The following UBXN2A variants were observed in gnomAD, a reference collection of about 807,000 sequenced individuals.
UBXN2A encodes UBX domain-containing protein 2A.
UBXN2A carries 28 observed loss-of-function variants against 28.4 expected under a neutral mutation model. That is an observed-to-expected ratio of 0.99 (90% CI 0.73 to 1.35). The LOEUF (loss-of-function observed/expected upper bound fraction) is 1.35, where lower values mean the gene tolerates loss of function less well. Ranked by LOEUF, UBXN2A falls within the 40% of genes most tolerant of loss-of-function variation. UBXN2A has a pLI of 0.00. For missense variants in UBXN2A, 253 were observed against 297.9 expected (o/e 0.85, Z 1.11); for synonymous variants, 97 against 103.6 (o/e 0.94, Z 0.39).
intron 2 of UBXN2A, among the ~76,000 whole-genome samples, chr2:23,965,514 A>G (rs980813271): frequency 6.6e-6 from 1 of 152,218 alleles, no homozygotes; most frequent in Non-Finnish European, 1.5e-5. Flanking sequence ...GATAGATTAC[A>G]TGAATTAATT....
intron 2 of UBXN2A, among the ~76,000 whole-genome samples, chr2:23,958,655 A>G (rs567438829): frequency 1.3e-5 from 2 of 152,316 alleles, no homozygotes; most frequent in South Asian, 4.1e-4. Context: ...TAGATACACT[A>G]TTTTAGTGTC....
At chr2:23,973,735 CCATT>C (rs974265865) in intron 3 of UBXN2A, among the ~76,000 whole-genome samples, 1 of 151,700 alleles carries the variant, frequency 6.6e-6, no homozygotes, top group Admixed American at 6.6e-5. Context: ...TGGATTCAAG[CCATT>C]CTCCTGCCTC....
chr2:23,927,538 C>CTACAG (rs1434774557), exon 1 of UBXN2A: 2 of 150,832 alleles, frequency 1.3e-5, no homozygotes. Flanking sequence ...GAACTTGAGT[C>CTACAG]GCACTTTTCA....
intron 1 of UBXN2A, among the ~76,000 whole-genome samples, chr2:23,942,569 C>T (rs1040764454): frequency 3.3e-5 from 5 of 151,130 alleles, no homozygotes; most frequent in Admixed American, 6.6e-5. Flanking sequence ...ATAATGCGCG[C>T]CACCATGCCC....
chr2:23,954,352 C>G (rs768969706), intron 1 of UBXN2A, among the ~76,000 whole-genome samples: 1 of 152,196 alleles, frequency 6.6e-6, no homozygotes, highest in African/African-American at 2.4e-5. Context: ...ATCAGAATTT[C>G]ACTCCTTTTA....
intron 1 of UBXN2A, among the ~76,000 whole-genome samples, chr2:23,940,851 G>T (rs991754266): frequency 3.4e-5 from 5 of 146,250 alleles, no homozygotes; most frequent in Non-Finnish European, 7.5e-5. Flanking sequence ...GTCCCGCCCA[G>T]CCCAGGTGAG....
chr2:23,940,156 T>C (rs1705674537), upstream of UBXN2A, among the ~76,000 whole-genome samples: 1 of 151,080 alleles, frequency 6.6e-6, no homozygotes, highest in East Asian at 1.9e-4. Context: ...TTCAACTTCG[T>C]TGTCCACAGG....
Position 23,982,890 on chromosome 2 carries a change from T to C in UBXN2A, c.288-6T>C. 13 of 1,587,034 alleles carry C rather than the reference T, an allele frequency of 8.2e-6. No individual in the cohort carries two copies. The highest frequency in any genetic ancestry group is 9.4e-6 in the Non-Finnish European group (11 of 1,168,634). On this transcript the variant is annotated splice_region_variant and splice_polypyrimidine_tract_variant and intron_variant, in intron 4 of 6. Transcript: ENST00000309033. The stretch of plus-strand genomic sequence containing the variant: ...GCTTTATCATTTTCTTTCTTTGTTT[T>C]CCAAGGGAATTACCTTCAGAATTAC...
At chr2:23,976,389 T>C (rs1516427) in intron 3 of UBXN2A, among the ~76,000 whole-genome samples, 111,208 of 151,960 alleles carry the variant, frequency 0.73, 41,142 homozygotes, top group East Asian at 0.85. Context: ...CCAACATCGC[T>C]TCCCCCTTAT....
At chr2:23,998,193 A>T (rs904142565) in intron 6 of UBXN2A, among the ~76,000 whole-genome samples, 2 of 152,044 alleles carry the variant, frequency 1.3e-5, no homozygotes, top group Admixed American at 1.3e-4. Flanking sequence ...TCCACTTTCT[A>T]GTTTTTGGTT....
chr2:23,962,586 T>G lies in UBXN2A; in HGVS notation c.41+4231T>G, dbSNP rs546292915. 2.0e-5 allele frequency among the ~76,000 whole-genome samples: 3 copies of G among 151,846 alleles called. No homozygotes were observed. The East Asian group carries it at 5.8e-4, about 29-fold the overall frequency. On this transcript the variant is annotated intron_variant, in intron 2 of 6. Transcript: ENST00000309033. The stretch of plus-strand genomic sequence containing the variant: ...GGGCAATTTACAAAAGTAAGAGGTT[T>G]TTTTTTCCTTTTTTTATTCTTTTTT...
intron 1 of UBXN2A, among the ~76,000 whole-genome samples, chr2:23,949,116 C>CT (rs1223944833): frequency 0.052 from 6,649 of 127,066 alleles, 225 homozygotes; most frequent in African/African-American, 0.091. Context: ...ATTTTTTTTT[C>CT]TTTTTTTTTT....
At chr2:23,964,013 A>T (rs1707051108) in intron 2 of UBXN2A, among the ~76,000 whole-genome samples, 1 of 151,906 alleles carries the variant, frequency 6.6e-6, no homozygotes, top group Admixed American at 6.6e-5. Flanking sequence ...ATACCTGTAG[A>T]CCCAGCTACT....
intron 2 of UBXN2A, 66 bp from the exon 3 acceptor site, chr2:23,971,210 A>G: frequency 2.1e-6 from 3 of 1,429,032 alleles, no homozygotes; most frequent in Non-Finnish European, 2.8e-6. Context: ...CCTTAACTAG[A>G]ACAAAATAAG....
chr2:23,952,292 CTCCCTCT>C (rs1255087277), intron 1 of UBXN2A, among the ~76,000 whole-genome samples: 18 of 151,798 alleles, frequency 1.2e-4, no homozygotes, highest in Non-Finnish European at 2.2e-4. Flanking sequence ...TTAAGACGGT[CTCCCTCT>C]GTTGCCCAAG....
intron 1 of UBXN2A, among the ~76,000 whole-genome samples, chr2:23,953,311 C>G (rs950448584): frequency 1.3e-5 from 2 of 152,074 alleles, no homozygotes; most frequent in South Asian, 2.1e-4. Context: ...ACAGTAAACT[C>G]TCATATCTAC....
intron 1 of UBXN2A, among the ~76,000 whole-genome samples, chr2:23,941,656 T>G (rs574857928): frequency 6.6e-6 from 1 of 152,382 alleles, no homozygotes; most frequent in South Asian, 2.1e-4. Flanking sequence ...TACACTTGAT[T>G]TAATTTTTTT....
chr2:23,939,148 T>C (rs7572949), upstream of UBXN2A, among the ~76,000 whole-genome samples: 80,517 of 151,900 alleles, frequency 0.53, 22,396 homozygotes, highest in East Asian at 0.78. Flanking sequence ...GAAAGGATTA[T>C]TGCAACAGGG....
intron 2 of UBXN2A, chr2:23,969,101 C>T (rs1707299423): frequency 1.3e-5 from 2 of 152,068 alleles, no homozygotes; most frequent in Admixed American, 1.3e-4. Context: ...TCATGTTGTC[C>T]AGAATGGTCT....
Sources: allele counts gnomAD v4.1 joint callset (sites outside exome capture counted in the v4.1 genomes callset), GRCh38; gene constraint gnomAD v4.1.1; transcripts MANE v1.5; gene names NCBI Gene and HGNC (gene_info 2026-07-23, HGNC 2026-07-21).